Variants in RBM20 observed in about 807,000 individuals in gnomAD.
RBM20 encodes the protein RNA-binding protein 20.
Under a neutral mutation model 110.1 loss-of-function variants are expected in RBM20, and 51 were observed. The observed-to-expected ratio is 0.46, with a 90% confidence interval of 0.37 to 0.59. The LOEUF is 0.59. Among genes scored for constraint, RBM20 ranks in the 20% least tolerant of loss-of-function variants. RBM20 has a pLI of 0.00. For missense variants in RBM20, 1,512 were observed against 1,574.9 expected (o/e 0.96, Z 0.68); for synonymous variants, 589 against 618.2 (o/e 0.95, Z 0.70).
chr10:110,794,449 A>T (rs1035366571), intron 5 of RBM20, among the ~76,000 whole-genome samples: 7 of 152,262 alleles, frequency 4.6e-5, no homozygotes, highest in African/African-American at 1.7e-4. Context: ...AGAGATTCTC[A>T]AGATTTTCAT....
chr10:110,655,007 C>T (rs1364485970), intron 1 of RBM20, among the ~76,000 whole-genome samples: 1 of 152,096 alleles, frequency 6.6e-6, no homozygotes, highest in Non-Finnish European at 1.5e-5. Flanking sequence ...AACTGAGGCA[C>T]AACCTTACTA....
intron 13 of RBM20, among the ~76,000 whole-genome samples, chr10:110,833,290 G>A (rs1422021291): frequency 6.7e-6 from 1 of 149,446 alleles, no homozygotes; most frequent in African/African-American, 2.4e-5. Context: ...TCAGGAGGCT[G>A]AGGTAGGAGA....
intron 1 of RBM20, among the ~76,000 whole-genome samples, chr10:110,752,947 T>TATATATATATATA (rs1564835271): frequency 3.3e-5 from 3 of 91,616 alleles, no homozygotes; most frequent in African/African-American, 1.3e-4. Context: ...ATATATATAT[T>TATATATATATATA]TTTTTTTTTT....
Position 110,644,478 on chromosome 10 carries a change from C to G in RBM20, c.24C>G (p.Ser8Arg). Residue 8 changes from serine to arginine, a missense_variant, in exon 1 of 14, where the codon AGC becomes AGG. By Grantham distance (110) the Ser-to-Arg change is moderately radical. Around this residue, in one of 3 missense-constraint regions of RBM20, gnomAD observed 1,149 missense variants for 1,169.4 expected, o/e 0.98. Transcript: ENST00000369519. This position sits in a 1 kb window ranked among gnomAD's most constrained non-coding sequence, Gnocchi z 4.3. Reference sequence around the variant, plus strand: ...GCATGGTGCTGGCAGCAGCCATGAGCCAGGACGCGGACCCCAGCGGTCCGG... The same window carrying G: ...GCATGGTGCTGGCAGCAGCCATGAGGCAGGACGCGGACCCCAGCGGTCCGG... MVLAAAMSQDADPSGPEQ... is the reference protein window; with the variant it reads MVLAAAMRQDADPSGPEQ... 6.6e-7 allele frequency: 1 copy of G among 1,519,832 alleles called. No homozygotes were observed. Among genetic ancestry groups the G allele is most frequent in the Non-Finnish European group, 8.8e-7 (1 of 1,138,132 alleles). 94.1% of individuals were successfully genotyped at this position (1,519,832 alleles called of 1,614,324 possible).
chr10:110,745,764 G>T (rs1891040), intron 1 of RBM20, among the ~76,000 whole-genome samples: 8 of 151,962 alleles, frequency 5.3e-5, no homozygotes, highest in African/African-American at 9.7e-5. Flanking sequence ...TAACATGTGA[G>T]GAGGGCTGAA....
intron 1 of RBM20, among the ~76,000 whole-genome samples, chr10:110,665,972 C>T (rs191918568): frequency 4.9e-4 from 66 of 134,208 alleles, no homozygotes; most frequent in African/African-American, 1.5e-3. Context: ...AAAATTAGCC[C>T]AGTGTGATGG....
chr10:110,656,227 G>A (rs543129340), intron 1 of RBM20, among the ~76,000 whole-genome samples: 5 of 152,170 alleles, frequency 3.3e-5, no homozygotes, highest in African/African-American at 9.6e-5. Flanking sequence ...GTTTGAACTC[G>A]GGAGGCAGAG....
intron 12 of RBM20, among the ~76,000 whole-genome samples, chr10:110,829,473 G>A (rs748725566): frequency 1.2e-3 from 179 of 152,328 alleles, no homozygotes; most frequent in Non-Finnish European, 2.1e-3. Context: ...GTGGCAGTTA[G>A]AGAAAGCCAG....
chr10:110,777,093 G>A (rs930955185), intron 1 of RBM20, among the ~76,000 whole-genome samples: 3 of 152,128 alleles, frequency 2.0e-5, no homozygotes, highest in Non-Finnish European at 4.4e-5. Flanking sequence ...TTTTGTTCAC[G>A]GCAATTACTT....
intron 1 of RBM20, among the ~76,000 whole-genome samples, chr10:110,763,825 A>G (rs1298241095): frequency 6.9e-6 from 1 of 145,818 alleles, no homozygotes; most frequent in Non-Finnish European, 1.5e-5. Flanking sequence ...CTGAGAGCAC[A>G]GTTTCTCAAC....
chr10:110,715,937 C>T (rs1291334646), intron 1 of RBM20, among the ~76,000 whole-genome samples: 1 of 152,190 alleles, frequency 6.6e-6, no homozygotes, highest in Non-Finnish European at 1.5e-5. Context: ...CCCCTGTGTG[C>T]CCAGAAGAAA....
At chr10:110,810,270 G>GT in intron 7 of RBM20, 113 bp from the exon 8 acceptor site, 1 of 743,798 alleles carries the variant, frequency 1.3e-6, no homozygotes, top group Admixed American at 2.1e-5. Flanking sequence ...CCCACACAAG[G>GT]TATTTTTTCC....
At chr10:110,817,802 A>T (rs1019915157) in intron 9 of RBM20, among the ~76,000 whole-genome samples, 2 of 152,342 alleles carry the variant, frequency 1.3e-5, no homozygotes, top group South Asian at 4.1e-4. Flanking sequence ...AGCAGCATGC[A>T]CAAGGGCCTC....
At chr10:110,699,853 A>G (rs1049569226) in intron 1 of RBM20, among the ~76,000 whole-genome samples, 2 of 152,170 alleles carry the variant, frequency 1.3e-5, no homozygotes, top group Non-Finnish European at 2.9e-5. Context: ...GAAGCGAAAT[A>G]AGGATGTCTT....
Position 110,781,829 on chromosome 10 carries a change from C to G in RBM20, c.1220C>G (p.Pro407Arg). 6.4e-7 allele frequency: 1 copy of G among 1,551,782 alleles called. No individual in the cohort carries two copies. The highest frequency in any genetic ancestry group is 8.7e-7 in the Non-Finnish European group (1 of 1,147,016). Residue 407 changes from proline (P) to arginine (R), a missense_variant, in exon 2 of 14, where the codon CCC becomes CGC. This residue lies in a region of RBM20 where 1,149 missense variants were observed against 1,169.4 expected (regional missense o/e 0.98). Transcript: ENST00000369519. ...CTGAACGACTTTCACGGTGTGGCCCCCCTCCACTTGCCGCATATCTGTAGC... is the reference window on the plus strand; with the variant it reads ...CTGAACGACTTTCACGGTGTGGCCCGCCTCCACTTGCCGCATATCTGTAGC... ...HELNDFHGVA[P>R]LHLPHICSIC...
chr10:110,720,868 G>A (rs1590635640), intron 1 of RBM20, among the ~76,000 whole-genome samples: 1 of 152,284 alleles, frequency 6.6e-6, no homozygotes, highest in East Asian at 1.9e-4. Flanking sequence ...CAGAATAAAA[G>A]CCAGAGGTCC....
intron 6 of RBM20, 113 bp from the exon 7 acceptor site, chr10:110,799,674 T>C (rs973942393): frequency 6.9e-6 from 7 of 1,008,306 alleles, no homozygotes; most frequent in South Asian, 1.9e-5. Flanking sequence ...CTGTCACCGT[T>C]GATTAGTTTT....
Position 110,797,590 on chromosome 10 carries a change from A to T in RBM20, c.1610A>T (p.Asn537Ile). 1 of 1,551,750 alleles carries T rather than the reference A, an allele frequency of 6.4e-7. No homozygotes were observed. Among genetic ancestry groups the T allele is most frequent in the Non-Finnish European group, 8.7e-7 (1 of 1,146,994 alleles). ...AGCTGCACTGAGAATGACGTCATTA[A>T]CCTGGGGCTGCCCTTTGGAAAGGTC... The part of the protein sequence containing the change: ...EGSCTENDVI[N>I]LGLPFGKVTN... Residue 537 changes from asparagine (N) to isoleucine (I), a missense_variant, in exon 6 of 14, where the codon AAC becomes ATC. Around this residue, in one of 3 missense-constraint regions of RBM20, gnomAD observed 1,149 missense variants for 1,169.4 expected, o/e 0.98. Coordinates refer to ENST00000369519, the MANE Select transcript of RBM20 (RefSeq NM_001134363.3).
intron 1 of RBM20, among the ~76,000 whole-genome samples, chr10:110,779,260 G>T (rs908546619): frequency 2.0e-5 from 3 of 152,184 alleles, no homozygotes; most frequent in African/African-American, 7.2e-5. Context: ...GAATGGGGCT[G>T]AAAGTAGAGT....
Sources: allele counts gnomAD v4.1 joint callset (sites outside exome capture counted in the v4.1 genomes callset), GRCh38; gene constraint gnomAD v4.1.1; regional missense constraint gnomAD v4.1.1; non-coding constraint Gnocchi (gnomAD v3.1); transcripts MANE v1.5; gene names NCBI Gene and HGNC (gene_info 2026-07-23, HGNC 2026-07-21).